The following EBF3 variants were observed in gnomAD, a reference collection of about 807,000 sequenced individuals.
EBF3 encodes EBF transcription factor 3.
Under a neutral mutation model 77.1 loss-of-function variants are expected in EBF3, and 18 were observed. The observed-to-expected ratio is 0.23, with a 90% CI of 0.16 to 0.35. The LOEUF (loss-of-function observed/expected upper bound fraction) is 0.35. Ranked by LOEUF, EBF3 falls within the 10% of genes least tolerant of loss-of-function variation. The pLI is 1.00. For synonymous variants in EBF3, 350 were observed against 343.5 expected, an observed-to-expected ratio of 1.02 and a Z score of -0.21; for missense variants, 558 against 860.0, an observed-to-expected ratio of 0.65 and a Z score of 4.39.
At chr10:129,946,179 C>CCTCG (rs1858207482) in intron 6 of EBF3, among the ~76,000 whole-genome samples, 1 of 152,226 alleles carries the variant, frequency 6.6e-6, no homozygotes, top group Non-Finnish European at 1.5e-5. Context: ...ACTGCTGGGC[C>CCTCG]CTCGGTCCTG....
In EBF3 at chr10:129,947,145, G is replaced by C. The variant is rs1564916582; in HGVS notation, c.554+10113C>G. Among the ~76,000 whole-genome samples the C allele has an allele frequency of 6.6e-6, 1 of 152,260 alleles. No homozygotes were observed. ...TTCATTGAGAAAATGGAAATGGACA[G>C]GGAGCTCCCTTTGGCAGCATTTCCA... On this transcript the variant is annotated intron_variant, in intron 6 of 16. Coordinates refer to ENST00000440978, the MANE Select transcript of EBF3 (RefSeq NM_001375380.1). The surrounding 1 kb of genome is among the most constrained non-coding windows in gnomAD (Gnocchi z 4.5).
intron 6 of EBF3, among the ~76,000 whole-genome samples, chr10:129,928,002 A>G (rs1856785325): frequency 6.6e-6 from 1 of 152,132 alleles, no homozygotes; most frequent in African/African-American, 2.4e-5. Flanking sequence ...CCAGGCCCCC[A>G]CTGTCTGCTA....
chr10:129,955,442 T>C (rs1001054299), intron 6 of EBF3, among the ~76,000 whole-genome samples: 2 of 152,230 alleles, frequency 1.3e-5, no homozygotes, highest in African/African-American at 4.8e-5. Flanking sequence ...CCTCCTCTCA[T>C]GCTTCTAGAA....
intron 10 of EBF3, among the ~76,000 whole-genome samples, chr10:129,850,447 C>G (rs1047128963): frequency 2.0e-5 from 3 of 152,180 alleles, no homozygotes; most frequent in Non-Finnish European, 4.4e-5. Flanking sequence ...CCTCTCAGTT[C>G]AGCCCAAAGA....
chr10:129,888,737 G>C (rs911394769), intron 6 of EBF3, among the ~76,000 whole-genome samples: 4 of 152,242 alleles, frequency 2.6e-5, no homozygotes, highest in Admixed American at 2.6e-4. Flanking sequence ...ATAGGGATTT[G>C]TCCTTAATTA....
chr10:129,892,806 A>G (rs1854111986), intron 6 of EBF3, among the ~76,000 whole-genome samples: 1 of 152,258 alleles, frequency 6.6e-6, no homozygotes, highest in Non-Finnish European at 1.5e-5. Flanking sequence ...GAAACGAGGC[A>G]TAACAAGCCA....
chr10:129,922,249 T>G (rs1025065438), intron 6 of EBF3, among the ~76,000 whole-genome samples: 1 of 151,986 alleles, frequency 6.6e-6, no homozygotes, highest in Non-Finnish European at 1.5e-5. Flanking sequence ...TGATTCCCAC[T>G]CACAACGAGG....
chr10:129,900,442 C>G (rs922266994), intron 6 of EBF3, among the ~76,000 whole-genome samples: 1 of 152,180 alleles, frequency 6.6e-6, no homozygotes, highest in African/African-American at 2.4e-5. Context: ...AGGAAGGACA[C>G]AGAAGCCACA....
intron 4 of EBF3, among the ~76,000 whole-genome samples, chr10:129,960,629 T>TTTTTTCC (rs2134638007): frequency 1.3e-4 from 1 of 7,496 alleles, no homozygotes; most frequent in Non-Finnish European, 2.9e-4. Flanking sequence ...ATTTCTTTCC[T>TTTTTTCC]TTTTTTTTTT....
chr10:129,925,913 G>A (rs1856639872), intron 6 of EBF3, among the ~76,000 whole-genome samples: 1 of 152,156 alleles, frequency 6.6e-6, no homozygotes, highest in Admixed American at 6.5e-5. Context: ...AAAGCAGCCT[G>A]TGCCTCACTG....
intron 8 of EBF3, among the ~76,000 whole-genome samples, chr10:129,871,011 A>G (rs1333701327): frequency 6.6e-6 from 1 of 152,222 alleles, no homozygotes; most frequent in Admixed American, 6.5e-5. Context: ...TGGGATGTCC[A>G]GATGGCTGGC....
intron 10 of EBF3, among the ~76,000 whole-genome samples, chr10:129,860,534 C>T (rs1384556561): frequency 2.6e-5 from 4 of 152,146 alleles, no homozygotes; most frequent in Admixed American, 2.0e-4. Context: ...CCTGGGTTAG[C>T]GTGGCCCCGA....
intron 10 of EBF3, among the ~76,000 whole-genome samples, chr10:129,850,108 T>C (rs538548869): frequency 3.9e-5 from 6 of 152,376 alleles, no homozygotes; most frequent in African/African-American, 1.2e-4. Flanking sequence ...TTACCTTTCC[T>C]GAACAGGGAA....
Position 129,935,902 on chromosome 10 carries a change from G to A in EBF3, c.554+21356C>T, listed in dbSNP as rs913028325. On this transcript the variant is annotated intron_variant, in intron 6 of 16. Transcript: ENST00000440978. This position sits in a 1 kb window ranked among gnomAD's most constrained non-coding sequence, Gnocchi z 4.2. Reference sequence around the variant, plus strand: ...AGGCATGGACAAAGGAATGGCCGGGGAAGGCAGAGCCCAAGCAGCCCTGGA... The same window carrying A: ...AGGCATGGACAAAGGAATGGCCGGGAAAGGCAGAGCCCAAGCAGCCCTGGA... Among the ~76,000 whole-genome samples, 1 of 152,062 alleles carries A rather than the reference G, an allele frequency of 6.6e-6. No homozygotes were observed. The highest frequency in any genetic ancestry group is 1.9e-4 in the East Asian group (1 of 5,160).
Position 129,935,518 on chromosome 10 carries a change from A to G in EBF3, c.554+21740T>C, listed in dbSNP as rs1333180431. Among the ~76,000 whole-genome samples the G allele has an allele frequency of 6.6e-6, 1 of 152,180 alleles. No individual in the cohort carries two copies. Among genetic ancestry groups the G allele is most frequent in the African/African-American group, 2.4e-5 (1 of 41,446 alleles). ...CCCCAACCCTAAGAACAAGCCTCCC[A>G]ACTCAGCGCCAACTGCGGAGCACCA... On this transcript the variant is annotated intron_variant, in intron 6 of 16. Coordinates refer to ENST00000440978, the MANE Select transcript of EBF3 (RefSeq NM_001375380.1). This position sits in a 1 kb window ranked among gnomAD's most constrained non-coding sequence, Gnocchi z 4.2.
chr10:129,923,145 T>G (rs1218418257), intron 6 of EBF3, among the ~76,000 whole-genome samples: 1 of 152,234 alleles, frequency 6.6e-6, no homozygotes, highest in Non-Finnish European at 1.5e-5. Context: ...TTGTTATTAT[T>G]TTGAACCGCA....
At chr10:129,840,168 C>G in intron 15 of EBF3, 77 bp downstream of exon 15, 1 of 1,473,458 alleles carries the variant, frequency 6.8e-7, no homozygotes, top group Non-Finnish European at 9.1e-7. Context: ...AGGAGAAAGG[C>G]CGAGCCCCCA....
At chr10:129,843,096 A>T (rs773427214) in intron 12 of EBF3, 41 bp downstream of exon 12, 2 of 1,372,172 alleles carry the variant, frequency 1.5e-6, no homozygotes, top group Admixed American at 3.8e-5. Flanking sequence ...GGGTTCTGGC[A>T]TGGGGGGGAG....
intron 6 of EBF3, among the ~76,000 whole-genome samples, chr10:129,934,539 A>G (rs1857232436): frequency 6.6e-6 from 1 of 152,120 alleles, no homozygotes; most frequent in South Asian, 2.1e-4. Flanking sequence ...GCCCATGTAA[A>G]TGAGTCGCTC....
Sources: gnomAD v4.1 joint callset for allele counts (sites outside exome capture counted in the v4.1 genomes callset) on GRCh38, gnomAD v4.1.1 for gene constraint, Gnocchi (gnomAD v3.1) non-coding constraint, MANE v1.5 for transcripts, NCBI Gene and HGNC (gene_info 2026-07-23, HGNC 2026-07-21) for gene names.